EHHADH: variants seen among roughly 807,000 people sequenced by gnomAD.
EHHADH encodes the protein enoyl-CoA hydratase and 3-hydroxyacyl CoA dehydrogenase.
Under a neutral mutation model 64.4 loss-of-function variants are expected in EHHADH, and 48 were observed. The ratio of observed to expected loss-of-function variants is 0.75; its 90% CI spans 0.59 to 0.95. The LOEUF (loss-of-function observed/expected upper bound fraction) is 0.95. Among genes scored for constraint, EHHADH ranks in the 40% least tolerant of loss-of-function variants. The pLI is 0.00. For missense variants in EHHADH, 854 were observed against 876.6 expected, an observed-to-expected ratio of 0.97 and a Z score of 0.33; for synonymous variants, 308 against 326.7, an observed-to-expected ratio of 0.94 and a Z score of 0.62.
At chr3:185,217,632 G>GT (rs1718719227) in intron 5 of EHHADH, among the ~76,000 whole-genome samples, 1 of 150,806 alleles carries the variant, frequency 6.6e-6, no homozygotes, top group Non-Finnish European at 1.5e-5. Context: ...CCTGCTTCAC[G>GT]TTCAACCACG....
At position 185,211,014 on chromosome 3, in the gene EHHADH, C is replaced by T. The variant is rs529914830; in HGVS notation, c.569-6257G>A. Among the ~76,000 whole-genome samples the T allele has an allele frequency of 2.0e-5, 3 of 152,290 alleles. No individual in the cohort carries two copies. In the South Asian group the frequency reaches 6.2e-4, roughly 32 times the overall value. ...CAGTCCTAGGGCCAAACTAAGCATACCCACTGGAAAATTTTGGATCCGGGC... is the reference window on the plus strand; with the variant it reads ...CAGTCCTAGGGCCAAACTAAGCATATCCACTGGAAAATTTTGGATCCGGGC... On this transcript the variant is annotated intron_variant, in intron 5 of 6. Transcript: ENST00000231887.
In EHHADH at chr3:185,236,329, T is replaced by C. The variant is rs182352557; in HGVS notation, c.179-867A>G. Among the ~76,000 whole-genome samples the C allele has an allele frequency of 9.9e-3, 1,418 of 142,952 alleles. 21 individuals carry two copies. The highest frequency in any genetic ancestry group is 0.032 in the African/African-American group (1,313 of 40,744). The allele number at this position is 142,952 out of a possible 152,430, so 93.8% of individuals were successfully genotyped here. Reference sequence around the variant, plus strand: ...TATGAGAATCTAATGCCTGATGATCTGAGGTGGAACAGTTTCATCCCAAAA... The same window carrying C: ...TATGAGAATCTAATGCCTGATGATCCGAGGTGGAACAGTTTCATCCCAAAA... On this transcript the variant is annotated intron_variant, in intron 2 of 6. Coordinates refer to ENST00000231887, the MANE Select transcript of EHHADH (RefSeq NM_001966.4).
rs1231022414 is a variant in EHHADH, at chr3:185,227,563, C to CA, written c.463+1868dup. Among the ~76,000 whole-genome samples, 132 of 151,994 alleles carry CA rather than the reference C, an allele frequency of 8.7e-4. 2 individuals carry two copies. The highest frequency in any genetic ancestry group is 8.3e-3 in the Admixed American group (127 of 15,250). On this transcript the variant is annotated intron_variant, in intron 4 of 6. Transcript: ENST00000231887. ...AAAATAGGTCAGGCCCAGTGGCTCA[C>CA]ACCTGTAATCCCAGCACTTTGGGAG...
At chr3:185,209,503 G>GTACA (rs538692858) in intron 5 of EHHADH, among the ~76,000 whole-genome samples, 69 of 152,268 alleles carry the variant, frequency 4.5e-4, no homozygotes, top group African/African-American at 1.6e-3. Context: ...TATCAAAAAT[G>GTACA]TACATCTTAG....
intron 2 of EHHADH, chr3:185,245,371 G>C (rs1036301555): frequency 4.8e-6 from 2 of 420,090 alleles, no homozygotes; most frequent in African/African-American, 4.2e-5. Flanking sequence ...TTTTTATCTT[G>C]CTTTTAATAC....
chr3:185,249,479 C>T (rs922884949), intron 1 of EHHADH, among the ~76,000 whole-genome samples: 1 of 152,196 alleles, frequency 6.6e-6, no homozygotes, highest in African/African-American at 2.4e-5. Flanking sequence ...GTGATCCCCA[C>T]GTCAGGGAGG....
At chr3:185,202,146 T>C (rs1488433526) in intron 6 of EHHADH, among the ~76,000 whole-genome samples, 2 of 152,156 alleles carry the variant, frequency 1.3e-5, no homozygotes, top group African/African-American at 4.8e-5. Context: ...AAGACCAGCC[T>C]GGACAACATA....
At chr3:185,251,169 G>A (rs1397783328) in intron 1 of EHHADH, among the ~76,000 whole-genome samples, 1 of 151,828 alleles carries the variant, frequency 6.6e-6, no homozygotes, top group African/African-American at 2.4e-5. Context: ...CATGACTACT[G>A]ACCAAAACTC....
intron 6 of EHHADH, among the ~76,000 whole-genome samples, chr3:185,203,438 C>T (rs1718286452): frequency 6.6e-6 from 1 of 151,942 alleles, no homozygotes; most frequent in Non-Finnish European, 1.5e-5. Context: ...GACCCTCTCC[C>T]CAGAAGATTG....
In EHHADH at chr3:185,192,735, T is replaced by C; in HGVS notation, c.1663A>G (p.Asn555Asp). The change falls in exon 7 of 7, where the codon AAT (asparagine) becomes GAT (aspartate). Residue 555 changes from asparagine to aspartate, a missense_variant. Transcript: ENST00000231887. ...TCAGGAATTGGGCAGTACCTCCTAT[T>C]ACCCCTTTTTCGGGCAGGAGTTCCT... Reference protein sequence around the residue: ...LPGTPARKRGNRRYCPIPDVL... With the variant: ...LPGTPARKRGDRRYCPIPDVL... 6.2e-7 allele frequency: 1 copy of C among 1,614,130 alleles called. No individual in the cohort carries two copies. The highest frequency in any genetic ancestry group is 8.5e-7 in the Non-Finnish European group (1 of 1,180,032).
chr3:185,222,309 G>A (rs1368886477), intron 4 of EHHADH, among the ~76,000 whole-genome samples: 1 of 152,092 alleles, frequency 6.6e-6, no homozygotes, highest in Non-Finnish European at 1.5e-5. Context: ...CTTGAACCTG[G>A]GAGGCGGAGG....
intron 2 of EHHADH, among the ~76,000 whole-genome samples, chr3:185,235,980 A>T (rs1719281450): frequency 6.6e-6 from 1 of 152,234 alleles, no homozygotes; most frequent in Admixed American, 6.5e-5. Flanking sequence ...ATGTTAATCA[A>T]GCAGCTTAGA....
At chr3:185,229,088 G>C (rs924567527) in intron 4 of EHHADH, among the ~76,000 whole-genome samples, 1 of 152,120 alleles carries the variant, frequency 6.6e-6, no homozygotes, top group Non-Finnish European at 1.5e-5. Context: ...GAGCCACTGC[G>C]TGCGGCCTAT....
chr3:185,206,060 G>A (rs1156680543), intron 5 of EHHADH, among the ~76,000 whole-genome samples: 1 of 151,876 alleles, frequency 6.6e-6, no homozygotes, highest in African/African-American at 2.4e-5. Context: ...TACACTGCAC[G>A]CTGACTCATA....
chr3:185,244,788 CAGA>C (rs1021809246), intron 2 of EHHADH, among the ~76,000 whole-genome samples: 1 of 152,126 alleles, frequency 6.6e-6, no homozygotes, highest in African/African-American at 2.4e-5. Flanking sequence ...CTAAAGAAAA[CAGA>C]AGAAGAATGA....
Position 185,192,665 on chromosome 3 carries a change from C to T in EHHADH, c.1733G>A (p.Gly578Asp). 6.2e-7 allele frequency: 1 copy of T among 1,614,170 alleles called. No individual in the cohort carries two copies. Residue 578 changes from glycine to aspartate, a missense_variant, in exon 7 of 7, where the codon GGT becomes GAT. Gly to Asp is a moderately conservative substitution (Grantham distance 94, BLOSUM62 -1). Transcript: ENST00000231887. ...CAATGGCTTGTCATATTGATACCAA[C>T]CCTTACCTGTCTTCTGGCCAAATCG... is the stretch of plus-strand genomic sequence containing the variant. Reference protein sequence around the residue: ...LGRFGQKTGKGWYQYDKPLGR... With the variant: ...LGRFGQKTGKDWYQYDKPLGR...
intron 4 of EHHADH, among the ~76,000 whole-genome samples, chr3:185,220,282 A>G (rs1718797884): frequency 1.3e-5 from 2 of 152,254 alleles, no homozygotes; most frequent in Non-Finnish European, 2.9e-5. Context: ...GTCATATGCC[A>G]TATAATAACA....
In EHHADH at chr3:185,204,475, G is replaced by A. The variant is rs1425914283; in HGVS notation, c.851C>T (p.Pro284Leu). Reference protein sequence around the residue: ...AERKANKWSTPSGASWKTASA... With the variant: ...AERKANKWSTLSGASWKTASA... ...TGCTGTTTTCCACGATGCTCCGGAG[G>A]GAGTTGACCACTTATTTGCTTTCCT... The change falls in exon 6 of 7, where the codon CCC becomes CTC. Residue 284 changes from proline (P) to leucine (L), a missense_variant. Transcript: ENST00000231887. 6.2e-7 allele frequency: 1 copy of A among 1,613,970 alleles called. No homozygotes were observed.
rs1331193891 is a variant in EHHADH, at chr3:185,191,519, A to G, written c.*707T>C. 6.6e-6 allele frequency: 1 copy of G among 152,228 alleles called. No homozygotes were observed. Among genetic ancestry groups the G allele is most frequent in the Non-Finnish European group, 1.5e-5 (1 of 68,042 alleles). 9.4% of individuals were successfully genotyped at this position (152,228 alleles called of 1,614,324 possible). ...TTTTGCAACAATTTTAGATTTTTCA[A>G]GATTCAACCATTTCCATATGTAACA... On this transcript the variant is annotated 3_prime_UTR_variant, in exon 7 of 7. Transcript: ENST00000231887.
Sources: allele counts gnomAD v4.1 joint callset (sites outside exome capture counted in the v4.1 genomes callset), GRCh38; gene constraint gnomAD v4.1.1; transcripts MANE v1.5; gene names NCBI Gene and HGNC (gene_info 2026-07-23, HGNC 2026-07-21).